The following TRPC7 variants were observed in gnomAD, a reference collection of about 807,000 sequenced individuals.
The protein encoded by TRPC7 is short transient receptor potential channel 7.
Under a neutral mutation model 90.1 loss-of-function variants are expected in TRPC7, and 42 were observed. The observed-to-expected ratio is 0.47, with a 90% CI of 0.36 to 0.60. The LOEUF (loss-of-function observed/expected upper bound fraction) is 0.60, where lower values mean the gene tolerates loss of function less well. Among genes scored for constraint, TRPC7 ranks in the 20% least tolerant of loss-of-function variants. The pLI, the probability that TRPC7 is intolerant of heterozygous loss-of-function variation, is 0.00. For missense variants in TRPC7, 955 were observed against 1,112.3 expected (o/e 0.86, Z 2.01); for synonymous variants, 451 against 436.3 (o/e 1.03, Z -0.42).
chr5:136,231,941 T>C (rs1755830448), intron 7 of TRPC7, among the ~76,000 whole-genome samples: 1 of 152,206 alleles, frequency 6.6e-6, no homozygotes, highest in Non-Finnish European at 1.5e-5. Flanking sequence ...CCATTGGTCA[T>C]GCTTTACCCT....
chr5:136,346,117 T>C (rs1190684813), intron 2 of TRPC7, among the ~76,000 whole-genome samples: 1 of 152,098 alleles, frequency 6.6e-6, no homozygotes, highest in Non-Finnish European at 1.5e-5. Context: ...CATTAGGAGA[T>C]ATACCTAAAG....
intron 2 of TRPC7, among the ~76,000 whole-genome samples, chr5:136,349,486 A>G (rs1760123804): frequency 6.6e-6 from 1 of 152,208 alleles, no homozygotes. Context: ...TGAAAAATTA[A>G]TAGTGCTTAT....
chr5:136,252,148 TAGG>T (rs1756544676), intron 5 of TRPC7, among the ~76,000 whole-genome samples: 1 of 152,156 alleles, frequency 6.6e-6, no homozygotes, highest in Non-Finnish European at 1.5e-5. Context: ...GGAGGGAATA[TAGG>T]AGAAATACAG....
At chr5:136,292,710 G>C (rs1246435140) in intron 3 of TRPC7, among the ~76,000 whole-genome samples, 1 of 151,778 alleles carries the variant, frequency 6.6e-6, no homozygotes, top group Non-Finnish European at 1.5e-5. Context: ...AATTCTACCA[G>C]AGGTACAAGG....
intron 3 of TRPC7, among the ~76,000 whole-genome samples, chr5:136,305,306 C>G (rs186415238): frequency 0.026 from 3,917 of 152,216 alleles, 68 homozygotes; most frequent in African/African-American, 0.044. Flanking sequence ...GGCAGTTCCA[C>G]CAGGCCTAAT....
chr5:136,327,906 T>A (rs1759391421), intron 2 of TRPC7, among the ~76,000 whole-genome samples: 2 of 152,186 alleles, frequency 1.3e-5, no homozygotes, highest in South Asian at 4.1e-4. Flanking sequence ...ATGGCTGAAT[T>A]TTTATTAATT....
chr5:136,342,155 G>A (rs1200937127), intron 2 of TRPC7, among the ~76,000 whole-genome samples: 1 of 152,048 alleles, frequency 6.6e-6, no homozygotes, highest in Non-Finnish European at 1.5e-5. Context: ...TTGAAATATA[G>A]CCTCAACTAA....
intron 3 of TRPC7, among the ~76,000 whole-genome samples, chr5:136,284,793 C>T (rs1160455419): frequency 6.6e-6 from 1 of 152,150 alleles, no homozygotes; most frequent in Non-Finnish European, 1.5e-5. Flanking sequence ...ACACCCAGGC[C>T]ACTGAGAGAG....
chr5:136,352,266 T>A (rs1225372571), intron 2 of TRPC7, among the ~76,000 whole-genome samples: 1 of 152,186 alleles, frequency 6.6e-6, no homozygotes, highest in African/African-American at 2.4e-5. Context: ...TCCCTTGTCA[T>A]CCTTTCTTTC....
chr5:136,224,061 A>T (rs946707320), intron 10 of TRPC7, among the ~76,000 whole-genome samples: 6 of 152,232 alleles, frequency 3.9e-5, no homozygotes, highest in African/African-American at 1.4e-4. Flanking sequence ...ATATGGTTGG[A>T]GAGATTCAGT....
At chr5:136,272,213 A>G (rs1757233200) in intron 4 of TRPC7, among the ~76,000 whole-genome samples, 1 of 152,222 alleles carries the variant, frequency 6.6e-6, no homozygotes, top group Non-Finnish European at 1.5e-5. Context: ...CTAGAATTAC[A>G]GATATAGACA....
intron 1 of TRPC7, among the ~76,000 whole-genome samples, chr5:136,357,679 GGGGCGTA>G (rs1429567146): frequency 6.6e-6 from 1 of 152,122 alleles, no homozygotes; most frequent in African/African-American, 2.4e-5. Context: ...GATGGAGGCT[GGGGCGTA>G]GGGTGGTGGT....
intron 2 of TRPC7, among the ~76,000 whole-genome samples, chr5:136,350,982 A>T (rs900316246): frequency 2.0e-5 from 3 of 152,244 alleles, no homozygotes; most frequent in African/African-American, 7.2e-5. Flanking sequence ...CAAGTCCCTG[A>T]TATAAAATGG....
intron 10 of TRPC7, among the ~76,000 whole-genome samples, chr5:136,219,160 A>G (rs1335888810): frequency 3.9e-5 from 6 of 152,170 alleles, no homozygotes; most frequent in Non-Finnish European, 8.8e-5. Context: ...ACATCATACA[A>G]TGGTCATCCC....
intron 2 of TRPC7, among the ~76,000 whole-genome samples, chr5:136,331,430 C>G (rs952791563): frequency 1.1e-4 from 16 of 152,124 alleles, no homozygotes; most frequent in African/African-American, 3.9e-4. Context: ...GTCTTGCCTT[C>G]ATGGAGCTGA....
In TRPC7 at chr5:136,306,594, G is replaced by A. The variant is rs193066374; in HGVS notation, c.963+9003C>T. 2.5e-3 allele frequency among the ~76,000 whole-genome samples: 381 copies of A among 152,218 alleles called. 1 individual carries two copies. The highest frequency in any genetic ancestry group is 8.3e-3 in the African/African-American group (343 of 41,520). On this transcript the variant is annotated intron_variant, in intron 3 of 11. Coordinates refer to ENST00000513104, the MANE Select transcript of TRPC7 (RefSeq NM_020389.3). ...GCCTCTGAACCCAAGCCAAGCCATC[G>A]CATCCCCTGTGACTTGCACATATAC...
At chr5:136,289,088 G>A (rs928999439) in intron 3 of TRPC7, among the ~76,000 whole-genome samples, 1 of 152,110 alleles carries the variant, frequency 6.6e-6, no homozygotes, top group Non-Finnish European at 1.5e-5. Flanking sequence ...TTGAATAAAG[G>A]TCCCAAAATG....
chr5:136,281,933 T>C (rs1199854001), intron 3 of TRPC7, among the ~76,000 whole-genome samples: 2 of 152,240 alleles, frequency 1.3e-5, no homozygotes, highest in Non-Finnish European at 2.9e-5. Context: ...AAAGATGTGC[T>C]CACTTACGGA....
intron 7 of TRPC7, among the ~76,000 whole-genome samples, chr5:136,242,929 T>G (rs1229542355): frequency 1.3e-5 from 2 of 152,282 alleles, no homozygotes; most frequent in Non-Finnish European, 2.9e-5. Flanking sequence ...GCTAAACCAA[T>G]TTAATCCATC....
Sources: allele counts gnomAD v4.1 joint callset (sites outside exome capture counted in the v4.1 genomes callset), GRCh38; gene constraint gnomAD v4.1.1; transcripts MANE v1.5; gene names NCBI Gene and HGNC (gene_info 2026-07-23, HGNC 2026-07-21).